Variants in NCAM2 observed in about 807,000 individuals in gnomAD.
The protein encoded by NCAM2 is N-CAM-2.
NCAM2 carries 30 observed loss-of-function variants against 98.1 expected under a neutral mutation model. That is an observed-to-expected ratio of 0.31 (90% CI 0.23 to 0.41). The LOEUF (loss-of-function observed/expected upper bound fraction) is 0.41. NCAM2 is among the 10% of genes least tolerant of loss of function. The pLI, the probability that NCAM2 is intolerant of heterozygous loss-of-function variation, is 1.00. For missense variants in NCAM2, 867 were observed against 1,005.8 expected (o/e 0.86, Z 1.87); for synonymous variants, 368 against 342.4 (o/e 1.07, Z -0.83).
chr21:21,289,077 T>C (rs1734107265), intron 4 of NCAM2, among the ~76,000 whole-genome samples: 1 of 151,962 alleles, frequency 6.6e-6, no homozygotes, highest in Admixed American at 6.6e-5. Flanking sequence ...CCATTCAATC[T>C]TGGCCAGTTT....
intron 1 of NCAM2, among the ~76,000 whole-genome samples, chr21:21,078,091 T>G (rs958228660): frequency 2.0e-5 from 3 of 152,160 alleles, no homozygotes; most frequent in African/African-American, 7.2e-5. Flanking sequence ...TACTTATAAG[T>G]AAAAGATACT....
At chr21:21,398,362 A>G (rs912051659) in intron 9 of NCAM2, among the ~76,000 whole-genome samples, 1 of 152,176 alleles carries the variant, frequency 6.6e-6, no homozygotes, top group Non-Finnish European at 1.5e-5. Flanking sequence ...TCAGCACTAA[A>G]TAACTTATCC....
intron 12 of NCAM2, among the ~76,000 whole-genome samples, chr21:21,447,212 C>A (rs1047481295): frequency 3.9e-5 from 6 of 152,020 alleles, no homozygotes; most frequent in Non-Finnish European, 8.8e-5. Context: ...ACATATAGAC[C>A]AATGAACAGA....
At chr21:21,290,376 A>G (rs1213879231) in intron 4 of NCAM2, among the ~76,000 whole-genome samples, 1 of 151,842 alleles carries the variant, frequency 6.6e-6, no homozygotes, top group Non-Finnish European at 1.5e-5. Context: ...AGGATTTTTA[A>G]TTGACTTTGA....
intron 9 of NCAM2, among the ~76,000 whole-genome samples, chr21:21,401,315 G>C (rs1045255972): frequency 2.6e-5 from 4 of 151,944 alleles, no homozygotes; most frequent in Non-Finnish European, 5.9e-5. Context: ...AGCCTTTTTC[G>C]TGGTGAGAAC....
chr21:21,082,277 A>AAAAC (rs1442932191), intron 1 of NCAM2, among the ~76,000 whole-genome samples: 45 of 27,444 alleles, frequency 1.6e-3, no homozygotes, highest in South Asian at 6.1e-3. Context: ...ATCAGAGCTC[A>AAAAC]AAACAAAAAA....
chr21:21,402,703 C>T (rs73324831), intron 9 of NCAM2, among the ~76,000 whole-genome samples: 12,518 of 151,942 alleles, frequency 0.082, 1,213 homozygotes, highest in African/African-American at 0.23. Flanking sequence ...ATGGACCTAC[C>T]GATATGAGAT....
intron 1 of NCAM2, among the ~76,000 whole-genome samples, chr21:21,103,483 G>T (rs369440513): frequency 6.7e-6 from 1 of 149,324 alleles, no homozygotes; most frequent in Non-Finnish European, 1.5e-5. Flanking sequence ...TGTACTGGAA[G>T]AAATATGTAT....
rs370201647 is a variant in NCAM2, at chr21:21,543,094, T to C, written c.*5137T>C. ...ACATACTATCTTTTATTTTCTTTAA[T>C]TTATATATTCCATTCAAATTCTATA... On this transcript the variant is annotated 3_prime_UTR_variant, in exon 18 of 18. Transcript: ENST00000400546. 2.0e-5 allele frequency: 3 copies of C among 152,042 alleles called. No individual in the cohort carries two copies. Among genetic ancestry groups the C allele is most frequent in the Admixed American group, 1.3e-4 (2 of 15,216 alleles). The allele number at this position is 152,042 out of a possible 1,614,324, so 9.4% of individuals were successfully genotyped here. A position where few individuals can be genotyped will look rare whatever the true frequency, so the allele number is the denominator to read the frequency against.
chr21:21,101,196 ATC>A (rs2066233723), intron 1 of NCAM2, among the ~76,000 whole-genome samples: 1 of 152,048 alleles, frequency 6.6e-6, no homozygotes. Context: ...TGTAAATGAT[ATC>A]TCTGTTTTCC....
intron 1 of NCAM2, among the ~76,000 whole-genome samples, chr21:21,086,716 C>T (rs780018740): frequency 1.6e-4 from 25 of 152,054 alleles, no homozygotes; most frequent in Non-Finnish European, 2.8e-4. Context: ...CTGAAATGTG[C>T]GTCCTAAATG....
intron 1 of NCAM2, among the ~76,000 whole-genome samples, chr21:21,056,228 C>T (rs1025320332): frequency 6.6e-5 from 10 of 152,012 alleles, no homozygotes; most frequent in African/African-American, 2.4e-4. Context: ...CATATTTATT[C>T]ATTAAACTTT....
intron 1 of NCAM2, among the ~76,000 whole-genome samples, chr21:21,023,533 A>AG (rs1407730163): frequency 5.3e-5 from 8 of 151,580 alleles, no homozygotes; most frequent in African/African-American, 1.9e-4. Flanking sequence ...AAAAAAAAAA[A>AG]AGAAGAAGAA....
At chr21:21,377,542 T>C (rs1416200073) in intron 9 of NCAM2, among the ~76,000 whole-genome samples, 1 of 151,988 alleles carries the variant, frequency 6.6e-6, no homozygotes, top group Non-Finnish European at 1.5e-5. Flanking sequence ...TGTGATGCTT[T>C]TAAAAATTTA....
intron 14 of NCAM2, among the ~76,000 whole-genome samples, chr21:21,469,781 C>A: frequency 6.6e-6 from 1 of 152,010 alleles, no homozygotes; most frequent in South Asian, 2.1e-4. Context: ...TTTTAGATAT[C>A]AAATCAATTT....
intron 15 of NCAM2, among the ~76,000 whole-genome samples, chr21:21,502,258 C>G (rs1263180905): frequency 6.6e-6 from 1 of 151,846 alleles, no homozygotes; most frequent in African/African-American, 2.4e-5. Context: ...CTCTAAAGAA[C>G]AGTTATTAAT....
At chr21:21,240,985 T>C (rs1166482641) in intron 1 of NCAM2, among the ~76,000 whole-genome samples, 1 of 152,178 alleles carries the variant, frequency 6.6e-6, no homozygotes, top group African/African-American at 2.4e-5. Flanking sequence ...TATCATGTTA[T>C]AGTTAAAATT....
At chr21:21,359,033 C>T (rs1306432490) in intron 8 of NCAM2, among the ~76,000 whole-genome samples, 1 of 151,978 alleles carries the variant, frequency 6.6e-6, no homozygotes, top group Non-Finnish European at 1.5e-5. Flanking sequence ...AAGTCAACTT[C>T]TGATTGTAGA....
chr21:21,271,559 G>T (rs947378274), intron 1 of NCAM2, among the ~76,000 whole-genome samples: 4 of 152,068 alleles, frequency 2.6e-5, no homozygotes, highest in Non-Finnish European at 5.9e-5. Context: ...AGCTATTTCT[G>T]TGCAGTGTGT....
Sources: gnomAD v4.1 joint callset for allele counts (sites outside exome capture counted in the v4.1 genomes callset) on GRCh38, gnomAD v4.1.1 for gene constraint, MANE v1.5 for transcripts, NCBI Gene and HGNC (gene_info 2026-07-23, HGNC 2026-07-21) for gene names.